The following SEZ6 variants were observed in gnomAD, a reference collection of about 807,000 sequenced individuals.
The protein encoded by SEZ6 is seizure related 6 homolog.
Under a neutral mutation model 101.0 loss-of-function variants are expected in SEZ6, and 53 were observed. That is an observed-to-expected ratio of 0.52 (90% CI 0.42 to 0.66). SEZ6 has a LOEUF of 0.66. Ranked by LOEUF, SEZ6 falls within the 30% of genes least tolerant of loss-of-function variation. SEZ6 has a pLI of 0.00. For synonymous variants in SEZ6, 488 were observed against 512.2 expected (o/e 0.95, Z 0.64); for missense variants, 1,102 against 1,289.4 (o/e 0.85, Z 2.23).
At chr17:28,998,637 C>G (rs1022592622) in intron 1 of SEZ6, among the ~76,000 whole-genome samples, 1 of 152,088 alleles carries the variant, frequency 6.6e-6, no homozygotes, top group African/African-American at 2.4e-5. Flanking sequence ...AGAAGTCCCC[C>G]CTACCCCTTG....
In SEZ6 at chr17:29,005,668, T is replaced by A; in HGVS notation, c.55+147A>T. The A allele has an allele frequency of 2.8e-6, 2 of 709,592 alleles. No homozygotes were observed. The highest frequency in any genetic ancestry group is 3.7e-6 in the Non-Finnish European group (2 of 536,732). The allele number at this position is 709,592 out of a possible 1,614,324, so 44.0% of individuals were successfully genotyped here. The stretch of plus-strand genomic sequence containing the variant: ...CGCGAAGCCCGCGCCCCGCCCGGCT[T>A]GGCCGGCGCCGGGGGCAGCGCAGCC... On this transcript the variant is annotated intron_variant, in intron 1 of 16. Coordinates refer to ENST00000317338, the MANE Select transcript of SEZ6 (RefSeq NM_178860.5). The surrounding 1 kb of genome is among the most constrained non-coding windows in gnomAD (Gnocchi z 4.8).
chr17:28,978,106 G>T, intron 3 of SEZ6, among the ~76,000 whole-genome samples: 1 of 152,188 alleles, frequency 6.6e-6, no homozygotes. Context: ...GATAGGTCTA[G>T]ACGGCTTCAG....
chr17:29,003,938 C>T (rs2041650258), intron 1 of SEZ6, among the ~76,000 whole-genome samples: 1 of 152,200 alleles, frequency 6.6e-6, no homozygotes, highest in Admixed American at 6.5e-5. Context: ...GAGCAGATTC[C>T]TCCTAACACT....
At chr17:28,971,421 C>T (rs889105410) in intron 3 of SEZ6, among the ~76,000 whole-genome samples, 20 of 151,940 alleles carry the variant, frequency 1.3e-4, no homozygotes, top group African/African-American at 3.6e-4. Flanking sequence ...GGAGAAACCC[C>T]GTCTCTACTA....
chr17:28,979,750 G>A lies in SEZ6; in HGVS notation c.788C>T (p.Ser263Phe), dbSNP rs2041271782. ...GSLDSPTDLSSPTDVGLDCFF... is the reference protein window; with the variant it reads ...GSLDSPTDLSFPTDVGLDCFF... ...GCAGTCCAGGCCAACATCAGTGGGGGAGCTGAGGTCTGTAGGGGAGTCCAG... is the reference window on the plus strand; with the variant it reads ...GCAGTCCAGGCCAACATCAGTGGGGAAGCTGAGGTCTGTAGGGGAGTCCAG... Residue 263 changes from serine (S) to phenylalanine (F), a missense_variant, in exon 3 of 17, where the codon TCC (serine) becomes TTC (phenylalanine). Around this residue, in one of 3 missense-constraint regions of SEZ6, gnomAD observed 406 missense variants for 418.6 expected, o/e 0.97. Coordinates refer to ENST00000317338, the MANE Select transcript of SEZ6 (RefSeq NM_178860.5). The A allele has an allele frequency of 1.9e-6, 3 of 1,613,732 alleles. No homozygotes were observed. The highest frequency in any genetic ancestry group is 1.7e-5 in the Admixed American group (1 of 59,980).
At position 29,005,701 on chromosome 17, in the gene SEZ6, C is replaced by A; in HGVS notation, c.55+114G>T. ...GCCGGGGGCAGCGCAGCCGGCGGGG[C>A]GCGGTGCTTGGACTGGGCAGCCAGA... On this transcript the variant is annotated intron_variant, in intron 1 of 16. Coordinates refer to ENST00000317338, the MANE Select transcript of SEZ6 (RefSeq NM_178860.5). The surrounding 1 kb of genome is among the most constrained non-coding windows in gnomAD (Gnocchi z 4.8). 2 of 1,053,092 alleles carry A rather than the reference C, an allele frequency of 1.9e-6. No homozygotes were observed. Among genetic ancestry groups the A allele is most frequent in the Non-Finnish European group, 2.5e-6 (2 of 803,420 alleles). 65.2% of individuals were successfully genotyped at this position (1,053,092 alleles called of 1,614,324 possible).
chr17:28,961,917 T>G (rs1367757372), intron 5 of SEZ6, among the ~76,000 whole-genome samples: 1 of 152,152 alleles, frequency 6.6e-6, no homozygotes, highest in Non-Finnish European at 1.5e-5. Context: ...GTAAAGCTCC[T>G]GGGGGGCTGG....
chr17:28,959,216 C>T lies in SEZ6; in HGVS notation c.1916G>A (p.Arg639His), dbSNP rs200111899. The T allele has an allele frequency of 6.4e-4, 1,037 of 1,612,366 alleles. No homozygotes were observed. Among genetic ancestry groups the T allele is most frequent in the Non-Finnish European group, 8.3e-4 (980 of 1,179,026 alleles). Residue 639 changes from arginine to histidine, a missense_variant, in exon 10 of 17, where the codon CGC becomes CAC. Transcript: ENST00000317338. The surrounding 1 kb of genome is among the most constrained non-coding windows in gnomAD (Gnocchi z 4.4). Reference protein sequence around the residue: ...KRIMLDIRVLRIGPGDVLTFY... With the variant: ...KRIMLDIRVLHIGPGDVLTFY... ...GGTAAGCACATCACCAGGGCCTATGCGCAGCCTGTGAAGGAGGAGCGTCAG... is the reference window on the plus strand; with the variant it reads ...GGTAAGCACATCACCAGGGCCTATGTGCAGCCTGTGAAGGAGGAGCGTCAG...
chr17:28,959,064 C>T lies in SEZ6; in HGVS notation c.2068G>A (p.Val690Met). ...IQFQSDPGTSVLGYQQGFVIH... is the reference protein window; with the variant it reads ...IQFQSDPGTSMLGYQQGFVIH... ...ACGAAGCCCTGCTGGTAGCCCAGCACTGAGGTCCCGGGGTCCGACTGGAAC... is the reference window on the plus strand; with the variant it reads ...ACGAAGCCCTGCTGGTAGCCCAGCATTGAGGTCCCGGGGTCCGACTGGAAC... Residue 690 changes from valine (V) to methionine (M), a missense_variant, in exon 10 of 17, where the codon GTG becomes ATG. Around this residue, in one of 3 missense-constraint regions of SEZ6, gnomAD observed 556 missense variants for 735.1 expected, o/e 0.76. Coordinates refer to ENST00000317338, the MANE Select transcript of SEZ6 (RefSeq NM_178860.5). This position sits in a 1 kb window ranked among gnomAD's most constrained non-coding sequence, Gnocchi z 4.4. The T allele has an allele frequency of 6.2e-7, 1 of 1,613,952 alleles. No individual in the cohort carries two copies. Among genetic ancestry groups the T allele is most frequent in the Non-Finnish European group, 8.5e-7 (1 of 1,179,840 alleles).
At chr17:29,000,135 T>C (rs1239646238) in intron 1 of SEZ6, among the ~76,000 whole-genome samples, 1 of 152,242 alleles carries the variant, frequency 6.6e-6, no homozygotes, top group Non-Finnish European at 1.5e-5. Flanking sequence ...TGGCACATAG[T>C]TGGTACCATA....
In SEZ6 at chr17:28,981,749, G is replaced by A. The variant is rs200758068; in HGVS notation, c.346C>T (p.Arg116Cys). The stretch of plus-strand genomic sequence containing the variant: ...GGAGTGGGGCTGGTAAAGACAGGGC[G>A]GCTGTCCTGGTTGGCCAGGCGGGGA... Reference protein sequence around the residue: ...PLPRLANQDSRPVFTSPTPAM... With the variant: ...PLPRLANQDSCPVFTSPTPAM... The change falls in exon 2 of 17, where the codon CGC (arginine) becomes TGC (cysteine). Residue 116 changes from arginine to cysteine, a missense_variant. Arg to Cys is a radical substitution (Grantham distance 180). This residue lies in a region of SEZ6 where 406 missense variants were observed against 418.6 expected (regional missense o/e 0.97). Coordinates refer to ENST00000317338, the MANE Select transcript of SEZ6 (RefSeq NM_178860.5). 111 of 1,610,098 alleles carry A rather than the reference G, an allele frequency of 6.9e-5. No individual in the cohort carries two copies. In the African/African-American group the frequency reaches 1.1e-3, roughly 16 times the overall value.
chr17:28,974,885 A>G (rs1240336190), intron 3 of SEZ6, among the ~76,000 whole-genome samples: 1 of 152,182 alleles, frequency 6.6e-6, no homozygotes, highest in African/African-American at 2.4e-5. Context: ...CCAAGGGAAG[A>G]ACAGGGGCTT....
At chr17:28,986,242 C>T (rs1219387598) in intron 1 of SEZ6, among the ~76,000 whole-genome samples, 2 of 152,238 alleles carry the variant, frequency 1.3e-5, no homozygotes, top group Admixed American at 1.3e-4. Flanking sequence ...CTCCCGCTCC[C>T]GCCTCCCTGC....
At chr17:28,999,114 G>A (rs2041581201) in intron 1 of SEZ6, among the ~76,000 whole-genome samples, 2 of 152,290 alleles carry the variant, frequency 1.3e-5, no homozygotes, top group African/African-American at 2.4e-5. Context: ...AGGATGGATG[G>A]ATGGAGGATG....
At position 28,957,218 on chromosome 17, in the gene SEZ6, C is replaced by A; in HGVS notation, c.2519G>T (p.Gly840Val). ...GGCACCATTCTCAGGGGCACTGAGA[C>A]CATGGCATGGCTTGAGCTGTTCCAC... Reference protein sequence around the residue: ...CLLEQLKPCHGLSAPENGARS... With the variant: ...CLLEQLKPCHVLSAPENGARS... The change falls in exon 13 of 17, where the codon GGT (glycine) becomes GTT (valine). Residue 840 changes from glycine to valine, a missense_variant. This residue lies in a region of SEZ6 where 556 missense variants were observed against 735.1 expected (regional missense o/e 0.76). Transcript: ENST00000317338. The A allele has an allele frequency of 6.2e-7, 1 of 1,614,032 alleles. No homozygotes were observed. The highest frequency in any genetic ancestry group is 8.5e-7 in the Non-Finnish European group (1 of 1,179,892).
intron 2 of SEZ6, among the ~76,000 whole-genome samples, chr17:28,981,044 C>T (rs1328545556): frequency 2.0e-5 from 3 of 152,102 alleles, no homozygotes; most frequent in African/African-American, 7.2e-5. Flanking sequence ...TACAGGTGCC[C>T]ACCACCATGC....
chr17:28,988,717 T>C (rs2041417472), intron 1 of SEZ6, among the ~76,000 whole-genome samples: 1 of 152,208 alleles, frequency 6.6e-6, no homozygotes, highest in Non-Finnish European at 1.5e-5. Context: ...ATTGCAAATA[T>C]GAATGGGGGC....
At chr17:28,998,290 G>C (rs765888363) in intron 1 of SEZ6, among the ~76,000 whole-genome samples, 3 of 152,042 alleles carry the variant, frequency 2.0e-5, no homozygotes, top group Non-Finnish European at 4.4e-5. Context: ...TGTCCTCCCA[G>C]ACTCATGACC....
In SEZ6 at chr17:28,958,053, G is replaced by C; in HGVS notation, c.2196C>G (p.Thr732=). 1 of 1,613,784 alleles carries C rather than the reference G, an allele frequency of 6.2e-7. No homozygotes were observed. Among genetic ancestry groups the C allele is most frequent in the Non-Finnish European group, 8.5e-7 (1 of 1,179,728 alleles). Residue 732 remains threonine (T), a synonymous_variant, in exon 11 of 17, where the codon ACC becomes ACG. Coordinates refer to ENST00000317338, the MANE Select transcript of SEZ6 (RefSeq NM_178860.5). ...SPSQPELVHG[T]VVTYQCYPGY... ...CAGGGTAGCACTGGTAAGTGACCAC[G>C]GTGCCGTGCACTAGCTCAGGCTGCG...
Sources: gnomAD v4.1 joint callset for allele counts (sites outside exome capture counted in the v4.1 genomes callset) on GRCh38, gnomAD v4.1.1 for gene constraint, gnomAD v4.1.1 regional missense constraint, Gnocchi (gnomAD v3.1) non-coding constraint, MANE v1.5 for transcripts, NCBI Gene and HGNC (gene_info 2026-07-23, HGNC 2026-07-21) for gene names.